Variants in NME7 observed in about 807,000 individuals in gnomAD.
The protein encoded by NME7 is nucleoside diphosphate kinase 7.
Under a neutral mutation model 49.1 loss-of-function variants are expected in NME7, and 41 were observed. That is an observed-to-expected ratio of 0.83 (90% confidence interval 0.65 to 1.08). The LOEUF (loss-of-function observed/expected upper bound fraction) is 1.08, where lower values mean the gene tolerates loss of function less well. Ranked by LOEUF, NME7 falls within the 50% of genes least tolerant of loss-of-function variation. The pLI, the probability that NME7 is intolerant of heterozygous loss-of-function variation, is 0.00. For missense variants in NME7, 423 were observed against 463.4 expected (o/e 0.91, Z 0.80); for synonymous variants, 139 against 150.6 (o/e 0.92, Z 0.56).
intron 7 of NME7, among the ~76,000 whole-genome samples, chr1:169,266,971 GGCACAAGA>G (rs1649337177): frequency 1.5e-5 from 2 of 132,928 alleles, no homozygotes; most frequent in Non-Finnish European, 3.5e-5. Context: ...GGGAGGCTGA[GGCACAAGA>G]ATCGCTTGAA....
At chr1:169,345,860 C>A (rs1191599932) in intron 1 of NME7, among the ~76,000 whole-genome samples, 1 of 152,108 alleles carries the variant, frequency 6.6e-6, no homozygotes, top group Non-Finnish European at 1.5e-5. Context: ...CTGCTCCCAG[C>A]CCCCTAACAC....
chr1:169,149,385 G>A (rs951298364), intron 11 of NME7, among the ~76,000 whole-genome samples: 27 of 151,940 alleles, frequency 1.8e-4, no homozygotes, highest in Admixed American at 1.2e-3. Flanking sequence ...ACTAAGAGAA[G>A]TTAATATTTT....
At chr1:169,315,229 C>A (rs1224233035) in intron 3 of NME7, among the ~76,000 whole-genome samples, 1 of 151,394 alleles carries the variant, frequency 6.6e-6, no homozygotes, top group African/African-American at 2.4e-5. Context: ...AAAACAACTG[C>A]AGACTAAACA....
intron 10 of NME7, among the ~76,000 whole-genome samples, chr1:169,222,735 T>C (rs1399427822): frequency 6.6e-6 from 1 of 152,182 alleles, no homozygotes; most frequent in African/African-American, 2.4e-5. Context: ...GACATTTTAT[T>C]TATTTACTTA....
intron 11 of NME7, among the ~76,000 whole-genome samples, chr1:169,139,994 G>A (rs1658542658): frequency 1.3e-5 from 2 of 152,124 alleles, no homozygotes; most frequent in South Asian, 4.1e-4. Context: ...TCGTATTAAT[G>A]TTAACTTCTT....
At chr1:169,342,581 TATATATATACAA>T (rs1652765743) in intron 1 of NME7, among the ~76,000 whole-genome samples, 1 of 97,794 alleles carries the variant, frequency 1.0e-5, no homozygotes, top group Non-Finnish European at 2.1e-5. Context: ...ATATAGTATA[TATATATATACAA>T]GTACATATAT....
Position 169,275,478 on chromosome 1 carries a change from CAAAAAAAAAAAA to C in NME7, c.754+11813_754+11824del, listed in dbSNP as rs57449323. 6.7e-5 allele frequency among the ~76,000 whole-genome samples: 2 copies of C among 29,874 alleles called. 1 individual carries two copies. The highest frequency in any genetic ancestry group is 2.0e-4 in the Non-Finnish European group (2 of 9,984). The allele number at this position is 29,874 out of a possible 152,430, so 19.6% of individuals were successfully genotyped here. On this transcript the variant is annotated intron_variant, in intron 7 of 11. Coordinates refer to ENST00000367811, the MANE Select transcript of NME7 (RefSeq NM_013330.5). ...TGGGCGACAGAGCGAAACTCCGTCTCAAAAAAAAAAAAAAAAAAAAAAAAAAAGAATGCTTGT... is the reference window on the plus strand; with the variant it reads ...TGGGCGACAGAGCGAAACTCCGTCTCAAAAAAAAAAAAAAAGAATGCTTGT...
At chr1:169,154,276 G>T (rs1450830788) in intron 11 of NME7, among the ~76,000 whole-genome samples, 1 of 152,114 alleles carries the variant, frequency 6.6e-6, no homozygotes, top group East Asian at 1.9e-4. Flanking sequence ...GCCTCCGAAA[G>T]TGTTGGGATT....
At chr1:169,161,754 A>G (rs1175724791) in intron 11 of NME7, among the ~76,000 whole-genome samples, 1 of 152,150 alleles carries the variant, frequency 6.6e-6, no homozygotes, top group Non-Finnish European at 1.5e-5. Context: ...TGGCTAGGGA[A>G]CTGAAAACTG....
chr1:169,165,393 T>C (rs1345282933), intron 11 of NME7, among the ~76,000 whole-genome samples: 2 of 152,164 alleles, frequency 1.3e-5, no homozygotes, highest in Non-Finnish European at 2.9e-5. Flanking sequence ...CCATGACACA[T>C]AGCTCAGTAA....
intron 1 of NME7, among the ~76,000 whole-genome samples, chr1:169,361,021 T>C (rs1220430198): frequency 3.3e-5 from 5 of 152,204 alleles, no homozygotes; most frequent in Non-Finnish European, 7.3e-5. Flanking sequence ...TAATTTATTT[T>C]CCAATATCTG....
chr1:169,172,308 A>G (rs1659622327), intron 10 of NME7, among the ~76,000 whole-genome samples: 1 of 150,182 alleles, frequency 6.7e-6, no homozygotes, highest in African/African-American at 2.5e-5. Flanking sequence ...ACAAACCCAC[A>G]AAAACAAAAA....
intron 3 of NME7, among the ~76,000 whole-genome samples, chr1:169,316,236 T>C (rs1285621962): frequency 2.6e-5 from 4 of 151,852 alleles, no homozygotes; most frequent in Non-Finnish European, 4.4e-5. Flanking sequence ...AAACTGAATG[T>C]CCAAAAACAA....
At chr1:169,246,667 C>T (rs1648330285) in intron 7 of NME7, among the ~76,000 whole-genome samples, 1 of 152,116 alleles carries the variant, frequency 6.6e-6, no homozygotes, top group Admixed American at 6.5e-5. Context: ...TGGACTTGAA[C>T]TCCTGGGCTT....
intron 7 of NME7, among the ~76,000 whole-genome samples, chr1:169,277,240 C>T (rs1649773328): frequency 6.9e-6 from 1 of 144,038 alleles, no homozygotes; most frequent in South Asian, 2.4e-4. Flanking sequence ...CCTGGGTATG[C>T]TTGTTGACTT....
At chr1:169,254,526 A>G (rs1648820528) in intron 7 of NME7, among the ~76,000 whole-genome samples, 3 of 151,652 alleles carry the variant, frequency 2.0e-5, no homozygotes, top group South Asian at 2.1e-4. Flanking sequence ...TCCTGGATTC[A>G]TTAATTTTTT....
chr1:169,229,822 CG>C (rs1193661436), intron 10 of NME7, among the ~76,000 whole-genome samples: 1 of 151,878 alleles, frequency 6.6e-6, no homozygotes, highest in East Asian at 1.9e-4. Context: ...ATTAGCCAGG[CG>C]GGGTGGCACA....
chr1:169,312,782 C>T (rs889841999), intron 3 of NME7, among the ~76,000 whole-genome samples: 6 of 152,288 alleles, frequency 3.9e-5, no homozygotes, highest in African/African-American at 1.4e-4. Context: ...TTAGATAGTA[C>T]AGTGCTATTA....
intron 10 of NME7, among the ~76,000 whole-genome samples, chr1:169,218,865 T>C (rs1283919725): frequency 6.6e-6 from 1 of 152,066 alleles, no homozygotes; most frequent in East Asian, 1.9e-4. Flanking sequence ...AGATTTCAGA[T>C]GACGTGAGAT....
Sources: allele counts gnomAD v4.1 joint callset (sites outside exome capture counted in the v4.1 genomes callset), GRCh38; gene constraint gnomAD v4.1.1; transcripts MANE v1.5; gene names NCBI Gene and HGNC (gene_info 2026-07-23, HGNC 2026-07-21).